The following GOSR2 variants were observed in gnomAD, a reference collection of about 807,000 sequenced individuals.
GOSR2 encodes 27 kDa Golgi SNARE protein.
In GOSR2, 20 loss-of-function variants were observed where a neutral mutation model predicts 27.9. The observed-to-expected ratio is 0.72, with a 90% confidence interval of 0.50 to 1.04. The LOEUF is 1.04. Among genes scored for constraint, GOSR2 ranks in the 50% least tolerant of loss-of-function variants. GOSR2 has a pLI of 0.00. For missense variants in GOSR2, 261 were observed against 270.5 expected (o/e 0.97, Z 0.25); for synonymous variants, 91 against 98.8 (o/e 0.92, Z 0.47).
intron 6 of GOSR2, chr17:46,973,141 C>T (rs903371394): frequency 2.0e-5 from 3 of 153,218 alleles, no homozygotes; most frequent in African/African-American, 7.3e-5. Context: ...CATGTGTACA[C>T]GTATACCTTG....
At chr17:46,931,268 C>G in intron 3 of GOSR2, 61 bp downstream of exon 3, 1 of 850,538 alleles carries the variant, frequency 1.2e-6, no homozygotes, top group East Asian at 2.4e-5. Flanking sequence ...GGCTTTTCTC[C>G]CTGGGGGAGG....
chr17:46,938,924 T>A lies in GOSR2; in HGVS notation c.*164T>A. The A allele has an allele frequency of 1.3e-6, 2 of 1,511,840 alleles. No individual in the cohort carries two copies. The highest frequency in any genetic ancestry group is 1.8e-6 in the Non-Finnish European group (2 of 1,130,340). 93.7% of individuals were successfully genotyped at this position (1,511,840 alleles called of 1,614,324 possible). A position where few individuals can be genotyped will look rare whatever the true frequency, so the allele number is the denominator to read the frequency against. On this transcript the variant is annotated 3_prime_UTR_variant, in exon 6 of 6. Transcript: ENST00000640051. ...GTCTAATTTCCAACCTGCTCTGTTT[T>A]CTGTGACATCTTGGAGGGGGAGCTA...
chr17:46,936,312 C>T (rs2088339201), intron 5 of GOSR2: 1 of 984,942 alleles, frequency 1.0e-6, no homozygotes, highest in Non-Finnish European at 1.2e-6. Context: ...TGATGAAGAG[C>T]CAGTGGGGGT....
downstream of GOSR2, among the ~76,000 whole-genome samples, chr17:46,970,653 C>A (rs568365809): frequency 8.0e-4 from 122 of 152,124 alleles, no homozygotes; most frequent in African/African-American, 2.9e-3. Flanking sequence ...GTCTGCGAGG[C>A]AGGGGTGTGC....
chr17:46,970,394 A>C (rs2091379015), downstream of GOSR2, among the ~76,000 whole-genome samples: 1 of 152,112 alleles, frequency 6.6e-6, no homozygotes, highest in Admixed American at 6.6e-5. Flanking sequence ...TGCAAAAATT[A>C]GCTGGGAGTG....
chr17:46,923,932 C>A (rs80120770), intron 1 of GOSR2: 33,483 of 398,212 alleles, frequency 0.084, 1,741 homozygotes, highest in Non-Finnish European at 0.11. Flanking sequence ...TGATTTTTAC[C>A]CTGTTTTGGA....
intron 6 of GOSR2, among the ~76,000 whole-genome samples, chr17:46,965,797 A>AT (rs74700472): frequency 0.071 from 9,702 of 137,612 alleles, 351 homozygotes; most frequent in African/African-American, 0.09. Flanking sequence ...TAATTTTTGT[A>AT]TTTTTTTTTT....
chr17:46,946,939 G>T (rs2089954919), downstream of GOSR2, among the ~76,000 whole-genome samples: 1 of 152,194 alleles, frequency 6.6e-6, no homozygotes, highest in African/African-American at 2.4e-5. Flanking sequence ...GATATCAGAG[G>T]GTGGAGAGCC....
intron 2 of GOSR2, 148 bp downstream of exon 2, chr17:46,929,732 C>G: frequency 1.6e-6 from 1 of 637,248 alleles, no homozygotes; most frequent in South Asian, 1.7e-5. Flanking sequence ...AACCCTATGG[C>G]AAAGTCACTG....
downstream of GOSR2, among the ~76,000 whole-genome samples, chr17:46,945,364 G>A (rs938891360): frequency 2.4e-4 from 37 of 152,184 alleles, no homozygotes; most frequent in Non-Finnish European, 1.5e-5. Flanking sequence ...GTGTGGACAA[G>A]CCCTACTGTC....
chr17:46,966,103 A>T (rs1225121892), intron 6 of GOSR2, among the ~76,000 whole-genome samples: 1 of 152,036 alleles, frequency 6.6e-6, no homozygotes, highest in African/African-American at 2.4e-5. Context: ...TCTCCTCCTC[A>T]TCTTCTTCAT....
intron 6 of GOSR2, among the ~76,000 whole-genome samples, chr17:46,961,799 C>G (rs559780826): frequency 6.6e-6 from 1 of 152,218 alleles, no homozygotes; most frequent in Admixed American, 6.5e-5. Flanking sequence ...TAATATCCAA[C>G]AAAATGTACA....
At chr17:46,942,646 A>G (rs961495442), downstream of GOSR2, among the ~76,000 whole-genome samples, 2 of 152,206 alleles carry the variant, frequency 1.3e-5, no homozygotes, top group Non-Finnish European at 2.9e-5. Flanking sequence ...GTTGGGAAAT[A>G]ATTTCCTAAC....
At chr17:46,928,977 A>T (rs2086904745) in intron 1 of GOSR2, among the ~76,000 whole-genome samples, 1 of 151,584 alleles carries the variant, frequency 6.6e-6, no homozygotes. Context: ...CTGTTTGTTT[A>T]TACTTATGTG....
Position 46,940,191 on chromosome 17 carries a change from T to G in GOSR2, c.*1431T>G. ...GGCACCTCTGTGGCATAGCTCCCCT[T>G]TGGTAAGTTTTCTTAATTGTCATAG... On this transcript the variant is annotated 3_prime_UTR_variant, in exon 6 of 6. Transcript: ENST00000640051. The G allele has an allele frequency of 7.3e-7, 1 of 1,376,836 alleles. No individual in the cohort carries two copies. 85.3% of individuals were successfully genotyped at this position (1,376,836 alleles called of 1,614,324 possible). A position where few individuals can be genotyped will look rare whatever the true frequency, so the allele number is the denominator to read the frequency against.
In GOSR2 at chr17:46,940,695, C is replaced by T; in HGVS notation, c.*1935C>T. ...TGATAGGACATCTTTTCGTGGTGTG[C>T]ACCAGTGCTTTCCACACTTGACAGT... is the stretch of plus-strand genomic sequence containing the variant. On this transcript the variant is annotated 3_prime_UTR_variant, in exon 6 of 6. Coordinates refer to ENST00000640051, the MANE Select transcript of GOSR2 (RefSeq NM_004287.5). 2 of 1,609,540 alleles carry T rather than the reference C, an allele frequency of 1.2e-6. No individual in the cohort carries two copies. The highest frequency in any genetic ancestry group is 1.7e-6 in the Non-Finnish European group (2 of 1,179,542).
At chr17:46,935,275 T>A in intron 5 of GOSR2, 106 bp downstream of exon 5, 1 of 1,599,216 alleles carries the variant, frequency 6.3e-7, no homozygotes, top group South Asian at 1.1e-5. Context: ...AATTGTGATA[T>A]TTTGATGACA....
intron 6 of GOSR2, among the ~76,000 whole-genome samples, chr17:46,951,199 A>G (rs1016047350): frequency 8.5e-5 from 13 of 152,182 alleles, no homozygotes; most frequent in African/African-American, 2.9e-4. Flanking sequence ...GAGGAGGCAG[A>G]CAGAGGTGGA....
In GOSR2 at chr17:46,951,740, C is replaced by T. The variant is rs147428405; in HGVS notation, c.583+13036C>T. On this transcript the variant is annotated intron_variant, in intron 6 of 6. Transcript: ENST00000573224. Reference sequence around the variant, plus strand: ...TAGTGACACAAGAGGAAAAGGAAACCTCTAATTTTCTGGGGCCCAGGTACA... The same window carrying T: ...TAGTGACACAAGAGGAAAAGGAAACTTCTAATTTTCTGGGGCCCAGGTACA... Among the ~76,000 whole-genome samples the T allele has an allele frequency of 1.6e-3, 245 of 152,316 alleles. 1 individual carries two copies. Among genetic ancestry groups the T allele is most frequent in the African/African-American group, 5.7e-3 (235 of 41,574 alleles).
Sources: gnomAD v4.1 joint callset for allele counts (sites outside exome capture counted in the v4.1 genomes callset) on GRCh38, gnomAD v4.1.1 for gene constraint, MANE v1.5 for transcripts, NCBI Gene and HGNC (gene_info 2026-07-23, HGNC 2026-07-21) for gene names.